SMTN: variants seen among roughly 807,000 people sequenced by gnomAD.
SMTN encodes smoothelin.
Under a neutral mutation model 102.0 loss-of-function variants are expected in SMTN, and 58 were observed. The ratio of observed to expected loss-of-function variants is 0.57; its 90% CI spans 0.46 to 0.71. The LOEUF is 0.71. Ranked by LOEUF, SMTN falls within the 30% of genes least tolerant of loss-of-function variation. The pLI, the probability that SMTN is intolerant of heterozygous loss-of-function variation, is 0.00. For synonymous variants in SMTN, 478 were observed against 497.9 expected, an observed-to-expected ratio of 0.96 and a Z score of 0.53; for missense variants, 1,185 against 1,241.7, an observed-to-expected ratio of 0.95 and a Z score of 0.69.
chr22:31,099,710 C>A (rs2043921386), intron 18 of SMTN, 35 bp from the exon 19 acceptor site: 1 of 1,605,512 alleles, frequency 6.2e-7, no homozygotes, highest in Non-Finnish European at 8.5e-7. Context: ...GGGAGTTGCC[C>A]CCAGGTTCCT....
In SMTN at chr22:31,081,784, A is replaced by G. The variant is rs144892037; in HGVS notation, c.-81+328A>G. On this transcript the variant is annotated intron_variant, in intron 1 of 20. Transcript: ENST00000333137. ...GAAGAGCAGCGGCAGGGATCTTCTT[A>G]TAATCCCATGGGTGTCCTAGATTAG... 6.0e-4 allele frequency among the ~76,000 whole-genome samples: 91 copies of G among 152,272 alleles called. 1 individual carries two copies. The highest frequency in any genetic ancestry group is 1.8e-3 in the African/African-American group (76 of 41,550).
intron 9 of SMTN, 22 bp from the exon 10 acceptor site, chr22:31,090,939 A>G (rs1159000689): frequency 1.9e-6 from 3 of 1,612,468 alleles, no homozygotes; most frequent in Admixed American, 3.3e-5. Flanking sequence ...CCAGTTGCTG[A>G]CAGCCCTCCT....
At chr22:31,098,918 G>T in intron 17 of SMTN, 78 bp downstream of exon 17, 4 of 1,550,396 alleles carry the variant, frequency 2.6e-6, no homozygotes, top group South Asian at 1.1e-5. Flanking sequence ...TAGTTGGCCC[G>T]GCAGAGGCGG....
intron 2 of SMTN, among the ~76,000 whole-genome samples, chr22:31,086,174 A>G (rs2042687670): frequency 1.3e-5 from 2 of 151,728 alleles, no homozygotes; most frequent in African/African-American, 2.4e-5. Flanking sequence ...TAGGCCTCAG[A>G]GCATCTCTAG....
In SMTN at chr22:31,073,258, C is replaced by T. The variant is rs1442697098; in HGVS notation, c.-385-7192C>T. Among the ~76,000 whole-genome samples, 9 of 152,070 alleles carry T rather than the reference C, an allele frequency of 5.9e-5. No individual in the cohort carries two copies. In the South Asian group the frequency reaches 8.3e-4, roughly 14 times the overall value. ...ATACAGACACAGACACACATACACA[C>T]GCACGCACGCATGCACGCATGCACG... is the stretch of plus-strand genomic sequence containing the variant. On this transcript the variant is annotated intron_variant, in intron 1 of 3. Coordinates refer to the SMTN transcript ENST00000422839.
chr22:31,096,579 C>T (rs2043592949), intron 13 of SMTN, 154 bp from the exon 14 acceptor site: 1 of 706,082 alleles, frequency 1.4e-6, no homozygotes, highest in African/African-American at 1.8e-5. Flanking sequence ...TCCCCTCACC[C>T]CAGCTGCTCC....
At chr22:31,084,873 C>T (rs539948707) in intron 2 of SMTN, 12 of 1,044,400 alleles carry the variant, frequency 1.1e-5, no homozygotes, top group Middle Eastern at 3.3e-4. Flanking sequence ...TACTGCGCCC[C>T]GCGCGCCGGC....
chr22:31,098,456 G>A (rs1286972747), intron 16 of SMTN, among the ~76,000 whole-genome samples: 1 of 152,128 alleles, frequency 6.6e-6, no homozygotes, highest in East Asian at 1.9e-4. Context: ...GGGAGGGGGA[G>A]GCGGAAACCT....
intron 16 of SMTN, 98 bp from the exon 17 acceptor site, chr22:31,098,569 A>G: frequency 1.8e-6 from 2 of 1,105,864 alleles, no homozygotes; most frequent in Non-Finnish European, 2.5e-6. Flanking sequence ...TGGAGATACT[A>G]GTGTGCTACA....
chr22:31,096,015 C>G, intron 13 of SMTN: 1 of 282,992 alleles, frequency 3.5e-6, no homozygotes. Flanking sequence ...TCCAGCTTCC[C>G]TTTTCCTGGA....
Position 31,088,976 on chromosome 22 carries a change from A to G in SMTN, c.471+7A>G, listed in dbSNP as rs755867358. ...CAGGCTGGAACAGTGTGAGGTAAGG[A>G]GGGTGGGAGAGTGGCCCAGTGTCCT... On this transcript the variant is annotated splice_region_variant and intron_variant, in intron 6 of 20. Transcript: ENST00000333137. The G allele has an allele frequency of 6.2e-7, 1 of 1,610,486 alleles. No individual in the cohort carries two copies. The highest frequency in any genetic ancestry group is 8.5e-7 in the Non-Finnish European group (1 of 1,177,416).
At chr22:31,097,715 G>GATAAATAA (rs56931006) in intron 16 of SMTN, among the ~76,000 whole-genome samples, 5,397 of 145,838 alleles carry the variant, frequency 0.037, 129 homozygotes, top group African/African-American at 0.06. Context: ...AAAATAAATA[G>GATAAATAA]ATAAATAAAT....
chr22:31,091,382 A>T lies in SMTN; in HGVS notation c.1359A>T (p.Pro453=). ...PLPVAVGTAE[P]GGSMKTTFTI... ...CCGTGGCCGTCGGCACTGCCGAGCC[A>T]GGGGGCAGTATGAAGACCACATTCA... Residue 453 remains proline (P), a synonymous_variant, in exon 10 of 21, where the codon CCA becomes CCT. Transcript: ENST00000333137. The T allele has an allele frequency of 1.2e-6, 2 of 1,600,818 alleles. No individual in the cohort carries two copies. Among genetic ancestry groups the T allele is most frequent in the Non-Finnish European group, 8.5e-7 (1 of 1,176,660 alleles).
At chr22:31,078,750 G>C (rs1273349554), upstream of SMTN, among the ~76,000 whole-genome samples, 1 of 152,196 alleles carries the variant, frequency 6.6e-6, no homozygotes, top group Non-Finnish European at 1.5e-5. Context: ...GTGGTGGTGT[G>C]TGCCTGTAGT....
chr22:31,074,870 G>A (rs774162096), intron 1 of SMTN, among the ~76,000 whole-genome samples: 1 of 152,188 alleles, frequency 6.6e-6, no homozygotes, highest in East Asian at 1.9e-4. Flanking sequence ...AACGTTGGGG[G>A]CTATTGTGAG....
chr22:31,067,863 C>T (rs1439061070), intron 1 of SMTN: 1 of 152,202 alleles, frequency 6.6e-6, no homozygotes, highest in Non-Finnish European at 1.5e-5. Context: ...TGGCCCACAC[C>T]TGCTTCTTAA....
At chr22:31,090,219 T>C in intron 8 of SMTN, 39 bp downstream of exon 8, 1 of 1,522,726 alleles carries the variant, frequency 6.6e-7, no homozygotes, top group Non-Finnish European at 8.9e-7. Context: ...GCATCTTTCT[T>C]CCCCTCCCCC....
rs372033103 is a variant in SMTN at position 31,088,604 on chromosome 22, C to T, written c.292C>T (p.Leu98=). 5.6e-6 allele frequency: 9 copies of T among 1,613,642 alleles called. No individual in the cohort carries two copies. The highest frequency in any genetic ancestry group is 6.8e-6 in the Non-Finnish European group (8 of 1,179,756). The stretch of plus-strand genomic sequence containing the variant: ...GAACGATGTGGAGGAATTGACTGCA[C>T]TGGTGAGGCCCAGGCTGGGGCAGGG... ...SMNDVEELTA[L]LRSAGEYEER... The change falls in exon 4 of 21, where the codon CTG becomes TTG. Residue 98 remains leucine (L), a splice_region_variant and synonymous_variant. Coordinates refer to ENST00000333137, the MANE Select transcript of SMTN (RefSeq NM_134269.3).
chr22:31,100,865 CG>C lies in SMTN; in HGVS notation c.2604-18del. The C allele has an allele frequency of 1.4e-6, 2 of 1,480,012 alleles. No homozygotes were observed. The highest frequency in any genetic ancestry group is 1.2e-5 in the South Asian group (1 of 83,534). 91.7% of individuals were successfully genotyped at this position (1,480,012 alleles called of 1,614,324 possible). A position where few individuals can be genotyped will look rare whatever the true frequency, so the allele number is the denominator to read the frequency against. ...CCTGCCCCCGTCCCCCACCCCTTCC[CG>C]GCCCCCTACCCTCCCCAGGACCCAT... On this transcript the variant is annotated intron_variant, in intron 19 of 20. Transcript: ENST00000333137.
Sources: allele counts gnomAD v4.1 joint callset (sites outside exome capture counted in the v4.1 genomes callset), GRCh38; gene constraint gnomAD v4.1.1; transcripts MANE v1.5; gene names NCBI Gene and HGNC (gene_info 2026-07-23, HGNC 2026-07-21).